Variants in GFRA1 observed in about 807,000 individuals in gnomAD.
The protein encoded by GFRA1 is GDNF family receptor alpha 1, also known as GDNF family receptor alpha-1.
A neutral mutation model predicts 51.6 loss-of-function variants in GFRA1; 16 were observed. The ratio of observed to expected loss-of-function variants is 0.31; its 90% CI spans 0.21 to 0.47. The LOEUF (loss-of-function observed/expected upper bound fraction) is 0.47, where lower values mean the gene tolerates loss of function less well. Ranked by LOEUF, GFRA1 falls within the 20% of genes least tolerant of loss-of-function variation. The probability of loss-of-function intolerance (pLI) is 1.00; values close to 1 mark genes in which losing one functional copy is unlikely to be tolerated. For missense variants in GFRA1, 530 were observed against 594.3 expected (o/e 0.89, Z 1.13); for synonymous variants, 270 against 241.3 (o/e 1.12, Z -1.10).
At chr10:116,226,470 T>C (rs549164011) in intron 4 of GFRA1, among the ~76,000 whole-genome samples, 1 of 152,098 alleles carries the variant, frequency 6.6e-6, no homozygotes, top group Non-Finnish European at 1.5e-5. Flanking sequence ...CGGCTTTGCA[T>C]GTCATCCGTG....
At chr10:116,224,858 T>C (rs1966169569) in intron 4 of GFRA1, among the ~76,000 whole-genome samples, 1 of 152,210 alleles carries the variant, frequency 6.6e-6, no homozygotes, top group Admixed American at 6.5e-5. Context: ...TGTGAATACA[T>C]TTCAAATGAC....
At chr10:116,110,312 G>C (rs1957157957) in intron 6 of GFRA1, among the ~76,000 whole-genome samples, 1 of 152,078 alleles carries the variant, frequency 6.6e-6, no homozygotes, top group African/African-American at 2.4e-5. Context: ...CCTCACCACT[G>C]CCTGTGGAGG....
intron 4 of GFRA1, among the ~76,000 whole-genome samples, chr10:116,235,765 G>A (rs369467437): frequency 2.6e-5 from 4 of 152,128 alleles, no homozygotes; most frequent in African/African-American, 4.8e-5. Context: ...GGGTGTGGCC[G>A]TCAAGATTGG....
intron 4 of GFRA1, among the ~76,000 whole-genome samples, chr10:116,262,066 G>T (rs1415705806): frequency 6.6e-6 from 1 of 152,144 alleles, no homozygotes; most frequent in African/African-American, 2.4e-5. Context: ...ACATCCCTTG[G>T]AAAGAACAAG....
chr10:116,149,378 C>G (rs1265560258), intron 5 of GFRA1, among the ~76,000 whole-genome samples: 1 of 152,096 alleles, frequency 6.6e-6, no homozygotes, highest in African/African-American at 2.4e-5. Context: ...AGCTTTAACA[C>G]AAAAGCTCAC....
intron 5 of GFRA1, among the ~76,000 whole-genome samples, chr10:116,183,887 T>C (rs923425512): frequency 6.6e-6 from 1 of 152,216 alleles, no homozygotes; most frequent in African/African-American, 2.4e-5. Context: ...AGTCTCACTA[T>C]CAGGACCTGG....
intron 4 of GFRA1, among the ~76,000 whole-genome samples, chr10:116,262,582 A>T (rs888998351): frequency 6.6e-6 from 1 of 152,222 alleles, no homozygotes; most frequent in African/African-American, 2.4e-5. Context: ...AAAGGCTCCT[A>T]TTAGCATGTT....
At chr10:116,148,445 C>T (rs958555276) in intron 5 of GFRA1, among the ~76,000 whole-genome samples, 8 of 152,174 alleles carry the variant, frequency 5.3e-5, no homozygotes, top group African/African-American at 1.9e-4. Context: ...GTGAGCAAGT[C>T]ATTCACCTCT....
Position 116,134,034 on chromosome 10 carries a change from G to A in GFRA1, c.434-8477C>T, listed in dbSNP as rs995079285. ...CCAGGGCCAGCTAACCAGTTGAAACGATTCAGGATGAAACACAGATGCAAG... is the reference window on the plus strand; with the variant it reads ...CCAGGGCCAGCTAACCAGTTGAAACAATTCAGGATGAAACACAGATGCAAG... On this transcript the variant is annotated intron_variant, in intron 5 of 10. Coordinates refer to ENST00000355422, the MANE Select transcript of GFRA1 (RefSeq NM_005264.8). Among the ~76,000 whole-genome samples, 5 of 152,324 alleles carry A rather than the reference G, an allele frequency of 3.3e-5. No homozygotes were observed. The East Asian group carries it at 9.7e-4, about 29-fold the overall frequency.
chr10:116,066,208 G>A (rs1955104869), intron 9 of GFRA1, among the ~76,000 whole-genome samples: 1 of 152,112 alleles, frequency 6.6e-6, no homozygotes, highest in Non-Finnish European at 1.5e-5. Flanking sequence ...TGGGTATATA[G>A]TGATGAACAA....
intron 6 of GFRA1, among the ~76,000 whole-genome samples, chr10:116,106,789 T>C (rs1163340871): frequency 6.6e-6 from 1 of 152,096 alleles, no homozygotes; most frequent in Non-Finnish European, 1.5e-5. Flanking sequence ...GAACTCCCAG[T>C]GTTGGAGGTG....
At chr10:116,106,807 G>A (rs1447494395) in intron 6 of GFRA1, among the ~76,000 whole-genome samples, 1 of 152,170 alleles carries the variant, frequency 6.6e-6, no homozygotes, top group Non-Finnish European at 1.5e-5. Context: ...GTGGGGCCTG[G>A]TGGGAGGTGT....
chr10:116,203,993 C>G (rs930122100), intron 5 of GFRA1, among the ~76,000 whole-genome samples: 5 of 152,136 alleles, frequency 3.3e-5, no homozygotes, highest in African/African-American at 1.2e-4. Context: ...TGAGAACAAG[C>G]CTGGGTCTGG....
intron 4 of GFRA1, among the ~76,000 whole-genome samples, chr10:116,238,464 A>C (rs1196850731): frequency 6.6e-6 from 1 of 152,200 alleles, no homozygotes; most frequent in Non-Finnish European, 1.5e-5. Context: ...ATATATTTAC[A>C]CATGCAATAT....
intron 6 of GFRA1, among the ~76,000 whole-genome samples, chr10:116,106,841 C>T (rs139652398): frequency 1.1e-4 from 16 of 152,206 alleles, no homozygotes; most frequent in African/African-American, 3.6e-4. Flanking sequence ...ACAGATCCCT[C>T]ATGGCTTGGT....
intron 6 of GFRA1, among the ~76,000 whole-genome samples, chr10:116,102,993 T>C (rs1371124294): frequency 1.3e-5 from 2 of 152,198 alleles, no homozygotes; most frequent in Non-Finnish European, 2.9e-5. Flanking sequence ...GCTTTCTCAG[T>C]GGGTCAGTTA....
intron 4 of GFRA1, among the ~76,000 whole-genome samples, chr10:116,220,795 G>A (rs1436547132): frequency 6.6e-6 from 1 of 152,144 alleles, no homozygotes; most frequent in Admixed American, 6.5e-5. Context: ...AGCACTTTGG[G>A]TTTCAAAGGA....
intron 5 of GFRA1, among the ~76,000 whole-genome samples, chr10:116,173,484 C>T (rs1225237075): frequency 2.0e-5 from 3 of 152,214 alleles, no homozygotes; most frequent in African/African-American, 7.2e-5. Context: ...ATTTCTCCTA[C>T]ACAACATTGC....
intron 5 of GFRA1, among the ~76,000 whole-genome samples, chr10:116,126,940 TAAC>T (rs1957901481): frequency 6.6e-6 from 1 of 152,098 alleles, no homozygotes; most frequent in African/African-American, 2.4e-5. Context: ...CTACAATGCG[TAAC>T]AACATGGATA....
Sources: gnomAD v4.1 joint callset for allele counts (sites outside exome capture counted in the v4.1 genomes callset) on GRCh38, gnomAD v4.1.1 for gene constraint, MANE v1.5 for transcripts, NCBI Gene and HGNC (gene_info 2026-07-23, HGNC 2026-07-21) for gene names.